The following PDZRN3 variants were observed in gnomAD, a reference collection of about 807,000 sequenced individuals.
PDZRN3 encodes the protein E3 ubiquitin-protein ligase PDZRN3.
In PDZRN3, 38 loss-of-function variants were observed where a neutral mutation model predicts 85.7. That is an observed-to-expected ratio of 0.44 (90% CI 0.34 to 0.58). The LOEUF is 0.58. PDZRN3 is among the 20% of genes least tolerant of loss of function. The probability of loss-of-function intolerance (pLI) is 0.01; values close to 1 mark genes in which losing one functional copy is unlikely to be tolerated. For synonymous variants in PDZRN3, 759 were observed against 638.0 expected, an observed-to-expected ratio of 1.19 and a Z score of -2.86; for missense variants, 1,629 against 1,506.4, an observed-to-expected ratio of 1.08 and a Z score of -1.35.
rs370662715 is a variant in PDZRN3, at chr3:73,598,525, G to A, written c.918+3829C>T. ...AATACTGAGTAAGTCAGAACTTGCT[G>A]AATCCTAGTACCAAATGTGAGATGG... On this transcript the variant is annotated intron_variant, in intron 3 of 9. Transcript: ENST00000263666. Among the ~76,000 whole-genome samples the A allele has an allele frequency of 3.5e-4, 54 of 152,282 alleles. No individual in the cohort carries two copies. The East Asian group carries it at 9.1e-3, about 26-fold the overall frequency.
In PDZRN3 at chr3:73,384,818, C is replaced by T; in HGVS notation, c.1748G>A (p.Ser583Asn). 6.2e-7 allele frequency: 1 copy of T among 1,614,134 alleles called. No homozygotes were observed. Among genetic ancestry groups the T allele is most frequent in the East Asian group, 2.2e-5 (1 of 44,886 alleles). ...RTDESTRNDE[S>N]SEQENNGDDA... The stretch of plus-strand genomic sequence containing the variant: ...GTCGCCATTGTTCTCTTGCTCCGAG[C>T]TCTCGTCATTACGGGTGCTCTCGTC... Residue 583 changes from serine (S) to asparagine (N), a missense_variant, in exon 10 of 10, where the codon AGC becomes AAC. Transcript: ENST00000263666.
chr3:73,515,847 A>T (rs1478121740), intron 3 of PDZRN3, among the ~76,000 whole-genome samples: 1 of 152,238 alleles, frequency 6.6e-6, no homozygotes, highest in Non-Finnish European at 1.5e-5. Context: ...TCCTTTTAAA[A>T]AGTACAAAAT....
intron 3 of PDZRN3, among the ~76,000 whole-genome samples, chr3:73,434,502 G>A (rs17011137): frequency 0.042 from 6,387 of 152,256 alleles, 439 homozygotes; most frequent in African/African-American, 0.15. Context: ...GGGTTATAAG[G>A]AGAGAGGCTG....
chr3:73,561,314 T>A (rs1180962346), intron 3 of PDZRN3: 1 of 152,222 alleles, frequency 6.6e-6, no homozygotes. Flanking sequence ...CACCCCCTCT[T>A]AGACAAACTC....
chr3:73,440,911 C>G (rs1473616328), intron 3 of PDZRN3, among the ~76,000 whole-genome samples: 1 of 152,140 alleles, frequency 6.6e-6, no homozygotes, highest in East Asian at 1.9e-4. Flanking sequence ...AGAGAGAAAG[C>G]CTTGAAAGGT....
In PDZRN3 at chr3:73,569,271, G is replaced by A. The variant is rs191057429; in HGVS notation, c.918+33083C>T. 309 of 1,270,450 alleles carry A rather than the reference G, an allele frequency of 2.4e-4. 1 individual carries two copies. The African/African-American group carries it at 3.9e-3, about 16-fold the overall frequency. The allele number at this position is 1,270,450 out of a possible 1,614,324, so 78.7% of individuals were successfully genotyped here. ...GAACAAGAGGAGCCCGAAGAATGTC[G>A]TATGAAATGAAGACTGAGATACTGA... is the stretch of plus-strand genomic sequence containing the variant. On this transcript the variant is annotated intron_variant, in intron 3 of 9. Coordinates refer to ENST00000263666, the MANE Select transcript of PDZRN3 (RefSeq NM_015009.3).
At chr3:73,522,996 AAAGG>A (rs1245528348) in intron 3 of PDZRN3, among the ~76,000 whole-genome samples, 1 of 152,138 alleles carries the variant, frequency 6.6e-6, no homozygotes, top group Non-Finnish European at 1.5e-5. Flanking sequence ...AAACACAATA[AAAGG>A]AAGAGTTTTT....
At chr3:73,444,621 G>A (rs1041710732) in intron 3 of PDZRN3, among the ~76,000 whole-genome samples, 1 of 152,236 alleles carries the variant, frequency 6.6e-6, no homozygotes, top group Non-Finnish European at 1.5e-5. Context: ...TCAAGCAGCT[G>A]ATGATGTCTC....
intron 3 of PDZRN3, among the ~76,000 whole-genome samples, chr3:73,528,082 G>A (rs1704566870): frequency 6.6e-6 from 1 of 152,208 alleles, no homozygotes; most frequent in African/African-American, 2.4e-5. Context: ...AAAAAGCAGT[G>A]GGCTCAGAGG....
chr3:73,585,423 A>G (rs1702263407), intron 3 of PDZRN3, among the ~76,000 whole-genome samples: 1 of 152,220 alleles, frequency 6.6e-6, no homozygotes, highest in Non-Finnish European at 1.5e-5. Flanking sequence ...GGTAAAATAA[A>G]TCTGTTTACT....
At chr3:73,470,389 T>C (rs1339914995) in intron 3 of PDZRN3, among the ~76,000 whole-genome samples, 1 of 152,186 alleles carries the variant, frequency 6.6e-6, no homozygotes, top group Non-Finnish European at 1.5e-5. Context: ...CTAACCTTCA[T>C]GAAGTCTGTG....
intron 3 of PDZRN3, among the ~76,000 whole-genome samples, chr3:73,499,220 C>A (rs913500940): frequency 2.0e-5 from 3 of 152,216 alleles, no homozygotes; most frequent in African/African-American, 7.2e-5. Context: ...TTGCTCTGGG[C>A]ACTGGTTACA....
At chr3:73,515,080 T>C (rs1327853208) in intron 3 of PDZRN3, among the ~76,000 whole-genome samples, 3 of 151,700 alleles carry the variant, frequency 2.0e-5, no homozygotes, top group African/African-American at 7.3e-5. Context: ...ATTGGTGGTA[T>C]AGAAACAAAG....
Position 73,384,154 on chromosome 3 carries a change from G to C in PDZRN3, c.2412C>G (p.Ala804=), listed in dbSNP as rs905120134. ...CCGTGATGGAGAGCAGATTCTTGGA[G>C]GCTGGCCCGTAGGCTTCCGTGGTCC... ...AVGTTEAYGP[A]SKNLLSITED... The change falls in exon 10 of 10, where the codon GCC becomes GCG. Residue 804 remains alanine, a synonymous_variant. Transcript: ENST00000263666. The C allele has an allele frequency of 1.2e-6, 2 of 1,614,030 alleles. No individual in the cohort carries two copies. The highest frequency in any genetic ancestry group is 2.7e-5 in the African/African-American group (2 of 74,950).
chr3:73,517,026 C>A (rs147085104), intron 3 of PDZRN3, among the ~76,000 whole-genome samples: 2 of 152,138 alleles, frequency 1.3e-5, no homozygotes, highest in Non-Finnish European at 2.9e-5. Flanking sequence ...AATTCCATCA[C>A]GAAAGGGAGA....
At chr3:73,484,416 AG>A (rs1309100795) in intron 3 of PDZRN3, among the ~76,000 whole-genome samples, 3 of 151,900 alleles carry the variant, frequency 2.0e-5, no homozygotes. Context: ...TTTCCAATGG[AG>A]GGGGGTGGTT....
At position 73,383,396 on chromosome 3, in the gene PDZRN3, T is replaced by C; in HGVS notation, c.3170A>G (p.Tyr1057Cys). The C allele has an allele frequency of 6.2e-7, 1 of 1,613,388 alleles. No homozygotes were observed. The highest frequency in any genetic ancestry group is 8.5e-7 in the Non-Finnish European group (1 of 1,179,584). ...GTKSPDGTRV[Y>C]NSFLSVTTV ...AGTAGTCACCGATAGGAAGGAATTG[T>C]ATACTCTAGTGCCGTCCGGGGATTT... Residue 1057 changes from tyrosine to cysteine, a missense_variant, in exon 10 of 10, where the codon TAC (tyrosine) becomes TGC (cysteine). Tyr to Cys is a radical substitution (Grantham distance 194, BLOSUM62 -2). Transcript: ENST00000263666.
chr3:73,554,408 G>C (rs1387794822), intron 3 of PDZRN3, among the ~76,000 whole-genome samples: 1 of 151,616 alleles, frequency 6.6e-6, no homozygotes, highest in East Asian at 1.9e-4. Flanking sequence ...AACAAGGCCA[G>C]ACACAGATAA....
chr3:73,459,753 A>T (rs1703066289), intron 3 of PDZRN3, among the ~76,000 whole-genome samples: 2 of 152,176 alleles, frequency 1.3e-5, no homozygotes, highest in African/African-American at 4.8e-5. Flanking sequence ...CGAATCTGTC[A>T]TTGATGGGCA....
Sources: allele counts gnomAD v4.1 joint callset (sites outside exome capture counted in the v4.1 genomes callset), GRCh38; gene constraint gnomAD v4.1.1; transcripts MANE v1.5; gene names NCBI Gene and HGNC (gene_info 2026-07-23, HGNC 2026-07-21).